The following KATNAL2 variants were observed in gnomAD, a reference collection of about 807,000 sequenced individuals.
KATNAL2 encodes the protein katanin catalytic subunit A1 like 2, also known as katanin p60 ATPase-containing subunit A-like 2.
Under a neutral mutation model 76.3 loss-of-function variants are expected in KATNAL2, and 52 were observed. That is an observed-to-expected ratio of 0.68 (90% CI 0.55 to 0.86). The LOEUF (loss-of-function observed/expected upper bound fraction) is 0.86. Among genes scored for constraint, KATNAL2 ranks in the 40% least tolerant of loss-of-function variants. The pLI, the probability that KATNAL2 is intolerant of heterozygous loss-of-function variation, is 0.00. For synonymous variants in KATNAL2, 243 were observed against 244.2 expected (o/e 1.00, Z 0.05); for missense variants, 660 against 668.9 (o/e 0.99, Z 0.15).
At chr18:47,095,618 C>T (rs1268772145) in intron 15 of KATNAL2, among the ~76,000 whole-genome samples, 4 of 152,184 alleles carry the variant, frequency 2.6e-5, no homozygotes, top group Non-Finnish European at 4.4e-5. Context: ...TGGACTAATA[C>T]AGTGTTTTTA....
chr18:47,063,344 G>A lies in KATNAL2; in HGVS notation c.709G>A (p.Ala237Thr), dbSNP rs1287611484. The A allele has an allele frequency of 6.2e-7, 1 of 1,613,886 alleles. No homozygotes were observed. The highest frequency in any genetic ancestry group is 1.7e-5 in the Admixed American group (1 of 59,974). ...CATGAACAGTGAGATGCGAGAATTG[G>A]CAGCCGTGGTGAGCCGGGTAAGATC... ...IGMNSEMREL[A>T]AVVSRDIYLH... Residue 237 changes from alanine to threonine, a missense_variant, in exon 10 of 18, where the codon GCA becomes ACA. Ala to Thr is a moderately conservative substitution (Grantham distance 58). Coordinates refer to ENST00000683218, the MANE Select transcript of KATNAL2 (RefSeq NM_001387690.1).
intron 8 of KATNAL2, among the ~76,000 whole-genome samples, chr18:47,061,993 T>G (rs982767954): frequency 2.0e-5 from 3 of 152,132 alleles, no homozygotes; most frequent in Admixed American, 2.0e-4. Context: ...ATTTATTAGC[T>G]GTGTGGCCCT....
At chr18:47,054,351 TC>T (rs2061414547) in intron 5 of KATNAL2, 44 bp from the exon 6 acceptor site, 1 of 1,548,712 alleles carries the variant, frequency 6.5e-7, no homozygotes, top group Non-Finnish European at 8.9e-7. Context: ...ACTTTGTCAC[TC>T]TTAAAATTAT....
intron 3 of KATNAL2, among the ~76,000 whole-genome samples, chr18:47,044,478 G>T (rs183355300): frequency 6.6e-6 from 1 of 152,282 alleles, no homozygotes; most frequent in East Asian, 1.9e-4. Flanking sequence ...TAAAATGATG[G>T]CCAGGTGCGG....
At chr18:47,089,052 G>A (rs2062892362) in intron 15 of KATNAL2, among the ~76,000 whole-genome samples, 1 of 152,136 alleles carries the variant, frequency 6.6e-6, no homozygotes, top group African/African-American at 2.4e-5. Context: ...TCTTTATGTG[G>A]TGGGCCTTGA....
intron 3 of KATNAL2, among the ~76,000 whole-genome samples, chr18:47,037,849 C>CT (rs1328490662): frequency 2.4e-4 from 27 of 111,936 alleles, no homozygotes; most frequent in African/African-American, 1.9e-4. Context: ...GTAGGAAAGC[C>CT]ATTTTTTTTT....
At chr18:47,068,773 A>G (rs1331397469) in intron 11 of KATNAL2, among the ~76,000 whole-genome samples, 1 of 152,176 alleles carries the variant, frequency 6.6e-6, no homozygotes, top group Non-Finnish European at 1.5e-5. Flanking sequence ...CTTCCAAAAC[A>G]AGTTTCACCG....
intron 3 of KATNAL2, chr18:47,033,567 C>G (rs1286022310): frequency 6.2e-7 from 1 of 1,614,204 alleles, no homozygotes; most frequent in Non-Finnish European, 8.5e-7. Flanking sequence ...TGCGATACAG[C>G]TGATCGGGCC....
chr18:47,085,962 G>A (rs979309383), intron 15 of KATNAL2, among the ~76,000 whole-genome samples: 1 of 151,932 alleles, frequency 6.6e-6, no homozygotes, highest in Non-Finnish European at 1.5e-5. Context: ...GCGTGGTGGT[G>A]TGTGCCTATA....
At chr18:46,949,375 C>T (rs2059481950) in intron 3 of KATNAL2, among the ~76,000 whole-genome samples, 2 of 152,086 alleles carry the variant, frequency 1.3e-5, no homozygotes, top group African/African-American at 4.8e-5. Flanking sequence ...ACCTCAACCT[C>T]CCAAGTAGCT....
chr18:47,031,863 C>T (rs760193510), intron 3 of KATNAL2, among the ~76,000 whole-genome samples: 1 of 152,106 alleles, frequency 6.6e-6, no homozygotes, highest in African/African-American at 2.4e-5. Context: ...ATGCAGTATC[C>T]CTTTGTCTCC....
At chr18:46,937,010 T>C (rs189824114) in intron 1 of KATNAL2, among the ~76,000 whole-genome samples, 1 of 152,264 alleles carries the variant, frequency 6.6e-6, no homozygotes, top group East Asian at 1.9e-4. Context: ...TAAGTGACTA[T>C]AAACCAATGT....
intron 8 of KATNAL2, among the ~76,000 whole-genome samples, chr18:47,060,769 A>G (rs2061607402): frequency 6.6e-6 from 1 of 152,192 alleles, no homozygotes; most frequent in South Asian, 2.1e-4. Flanking sequence ...ACTGGCCTGA[A>G]CTGACTCCCT....
At chr18:47,041,808 T>C (rs1043395707) in intron 3 of KATNAL2, among the ~76,000 whole-genome samples, 1 of 152,248 alleles carries the variant, frequency 6.6e-6, no homozygotes, top group African/African-American at 2.4e-5. Context: ...CCTTTCAAAG[T>C]GTTTGTACTG....
intron 8 of KATNAL2, among the ~76,000 whole-genome samples, chr18:47,061,331 G>A (rs1435019002): frequency 2.6e-5 from 4 of 152,194 alleles, no homozygotes; most frequent in Non-Finnish European, 5.9e-5. Context: ...AAGGCAAGGG[G>A]ACCTGGCATG....
intron 3 of KATNAL2, among the ~76,000 whole-genome samples, chr18:46,950,201 C>CT (rs1410311953): frequency 6.6e-6 from 1 of 152,164 alleles, no homozygotes; most frequent in East Asian, 1.9e-4. Flanking sequence ...TTTCTTGGAA[C>CT]TTGAAAGCAA....
At chr18:47,066,886 T>TACACACAC (rs1233346424) in intron 10 of KATNAL2, 135 bp from the exon 11 acceptor site, 6 of 51,028 alleles carry the variant, frequency 1.2e-4, no homozygotes, top group African/African-American at 3.8e-4. Flanking sequence ...TATATATATA[T>TACACACAC]ATATATAATA....
chr18:47,098,992 C>T, intron 15 of KATNAL2: 4 of 352,472 alleles, frequency 1.1e-5, no homozygotes, highest in East Asian at 4.6e-5. Context: ...TCCATTCATC[C>T]TTCCTTCCTT....
rs779475417 is a variant in KATNAL2 at position 47,033,365 on chromosome 18, G to C, written c.52-13092G>C. 4 of 1,614,152 alleles carry C rather than the reference G, an allele frequency of 2.5e-6. No homozygotes were observed. The Admixed American group carries it at 5.0e-5, about 20-fold the overall frequency. ...ATCATCTTTGCCTCTCTGCCGTTGG[G>C]GTTGTTTCCACGTGCAGATCGGATA... On this transcript the variant is annotated intron_variant, in intron 3 of 17. Transcript: ENST00000683218.
Sources: allele counts gnomAD v4.1 joint callset (sites outside exome capture counted in the v4.1 genomes callset), GRCh38; gene constraint gnomAD v4.1.1; transcripts MANE v1.5; gene names NCBI Gene and HGNC (gene_info 2026-07-23, HGNC 2026-07-21).